The following IPO11 variants were observed in gnomAD, a reference collection of about 807,000 sequenced individuals.
IPO11 encodes importin-11.
A neutral mutation model predicts 143.2 loss-of-function variants in IPO11; 66 were observed. That is an observed-to-expected ratio of 0.46 (90% CI 0.38 to 0.57). The LOEUF is 0.57. Among genes scored for constraint, IPO11 ranks in the 20% least tolerant of loss-of-function variants. IPO11 has a pLI of 0.00. For synonymous variants in IPO11, 385 were observed against 377.8 expected (o/e 1.02, Z -0.22); for missense variants, 1,026 against 1,141.0 (o/e 0.90, Z 1.45).
At chr5:62,612,542 A>G (rs1454549684) in intron 29 of IPO11, among the ~76,000 whole-genome samples, 1 of 152,216 alleles carries the variant, frequency 6.6e-6, no homozygotes, top group Non-Finnish European at 1.5e-5. Flanking sequence ...TAAGCCACAC[A>G]TTAGATTTCC....
At position 62,627,688 on chromosome 5, in the gene IPO11, T is replaced by C. The variant is rs11544796; in HGVS notation, c.*370T>C. ...CTGAGATGTTTTTCTGCAACCAAAA[T>C]TCATTAAATTTGGCTGCCTTATCCT... On this transcript the variant is annotated 3_prime_UTR_variant, in exon 30 of 30. Transcript: ENST00000325324. 0.03 allele frequency: 4,708 copies of C among 158,038 alleles called. 235 individuals carry two copies. The highest frequency in any genetic ancestry group is 0.11 in the African/African-American group (4,484 of 41,714). 9.8% of individuals were successfully genotyped at this position (158,038 alleles called of 1,614,324 possible).
intron 3 of IPO11, among the ~76,000 whole-genome samples, chr5:62,448,946 G>A (rs995364114): frequency 3.9e-5 from 6 of 152,084 alleles, no homozygotes; most frequent in African/African-American, 1.4e-4. Flanking sequence ...TTGTTGTTGT[G>A]TGCTTTAATT....
Position 62,443,096 on chromosome 5 carries a change from A to C in IPO11, c.239+13A>C. ...GTGTAGCACCTCAGTAAGTTCCATC[A>C]CTTCCCCTATTCCTTGAGTATAATC... On this transcript the variant is annotated intron_variant, in intron 3 of 29. Coordinates refer to ENST00000325324, the MANE Select transcript of IPO11 (RefSeq NM_016338.5). 1 of 1,512,222 alleles carries C rather than the reference A, an allele frequency of 6.6e-7. No homozygotes were observed. The highest frequency in any genetic ancestry group is 9.1e-7 in the Non-Finnish European group (1 of 1,093,596). The allele number at this position is 1,512,222 out of a possible 1,614,324, so 93.7% of individuals were successfully genotyped here.
intron 29 of IPO11, among the ~76,000 whole-genome samples, chr5:62,616,142 T>G (rs1165194674): frequency 1.3e-5 from 2 of 152,092 alleles, no homozygotes. Context: ...ATATTTCTGT[T>G]ACTGTGGCCC....
chr5:62,433,002 A>G (rs922502912), intron 1 of IPO11, among the ~76,000 whole-genome samples: 1 of 152,210 alleles, frequency 6.6e-6, no homozygotes, highest in African/African-American at 2.4e-5. Context: ...CATTGGGAAC[A>G]TTCTGTTCCC....
intron 24 of IPO11, among the ~76,000 whole-genome samples, chr5:62,542,737 G>C (rs1475292640): frequency 6.6e-6 from 1 of 151,968 alleles, no homozygotes; most frequent in Non-Finnish European, 1.5e-5. Flanking sequence ...TTATCTAGAG[G>C]AATGTAATTA....
chr5:62,588,095 C>T (rs1580357507), intron 27 of IPO11, among the ~76,000 whole-genome samples: 3 of 152,162 alleles, frequency 2.0e-5, no homozygotes, highest in Non-Finnish European at 4.4e-5. Context: ...TACAGTTGGA[C>T]TTGATGTTTT....
At chr5:62,447,959 C>T (rs539752505) in intron 3 of IPO11, among the ~76,000 whole-genome samples, 1 of 152,246 alleles carries the variant, frequency 6.6e-6, no homozygotes, top group African/African-American at 2.4e-5. Flanking sequence ...AAGTGATCTT[C>T]CTGCCTCGGC....
intron 5 of IPO11, among the ~76,000 whole-genome samples, chr5:62,466,088 C>T (rs1038670696): frequency 2.6e-5 from 4 of 152,098 alleles, no homozygotes; most frequent in Non-Finnish European, 5.9e-5. Flanking sequence ...GATAAAGAGA[C>T]GAGTAGGAGA....
At chr5:62,542,132 A>G (rs900436238) in intron 24 of IPO11, among the ~76,000 whole-genome samples, 3 of 151,480 alleles carry the variant, frequency 2.0e-5, no homozygotes, top group African/African-American at 7.3e-5. Flanking sequence ...CTGGAGTGCA[A>G]TGGCGTGATC....
chr5:62,453,862 C>T (rs1337666709), intron 5 of IPO11, among the ~76,000 whole-genome samples: 8 of 151,960 alleles, frequency 5.3e-5, no homozygotes, highest in South Asian at 4.2e-4. Flanking sequence ...TGGCTGGGTG[C>T]GGTGGCTCAT....
chr5:62,624,028 C>T (rs1374889292), intron 29 of IPO11, among the ~76,000 whole-genome samples: 3 of 150,524 alleles, frequency 2.0e-5, no homozygotes, highest in Admixed American at 2.0e-4. Flanking sequence ...CTCCCCCCAC[C>T]GTTTTTTTTG....
chr5:62,537,708 T>A (rs775667307), intron 24 of IPO11, among the ~76,000 whole-genome samples: 55 of 152,214 alleles, frequency 3.6e-4, no homozygotes, highest in Non-Finnish European at 5.6e-4. Flanking sequence ...AGCTTTAATT[T>A]AAGTTGGCTA....
At chr5:62,542,149 C>T (rs1259706247) in intron 24 of IPO11, among the ~76,000 whole-genome samples, 1 of 151,406 alleles carries the variant, frequency 6.6e-6, no homozygotes, top group African/African-American at 2.4e-5. Flanking sequence ...GATCTCGGCT[C>T]ACCACAACCT....
chr5:62,476,878 A>G, intron 9 of IPO11, 125 bp downstream of exon 9: 2 of 1,045,402 alleles, frequency 1.9e-6, no homozygotes, highest in Non-Finnish European at 1.3e-6. Flanking sequence ...CTGACTCCTT[A>G]TAGGAAAGCT....
intron 27 of IPO11, among the ~76,000 whole-genome samples, chr5:62,582,714 A>T (rs1744615350): frequency 6.6e-6 from 1 of 152,208 alleles, no homozygotes; most frequent in South Asian, 2.1e-4. Context: ...AGTGCCCTTG[A>T]TTAAGAATCT....
intron 9 of IPO11, among the ~76,000 whole-genome samples, chr5:62,482,295 G>T (rs1746242865): frequency 6.6e-6 from 1 of 152,090 alleles, no homozygotes; most frequent in South Asian, 2.1e-4. Context: ...CTTCAGTTCT[G>T]CTCTGATCTT....
chr5:62,438,712 A>G (rs1035056944), intron 2 of IPO11, among the ~76,000 whole-genome samples: 1 of 150,260 alleles, frequency 6.7e-6, no homozygotes, highest in African/African-American at 2.5e-5. Flanking sequence ...AGATCGTGCC[A>G]TTGTACTCCA....
At chr5:62,586,693 G>A (rs1284637871) in intron 27 of IPO11, among the ~76,000 whole-genome samples, 1 of 144,644 alleles carries the variant, frequency 6.9e-6, no homozygotes, top group East Asian at 2.0e-4. Flanking sequence ...GGAGATTGTG[G>A]TGAGCTGAGA....
Sources: gnomAD v4.1 joint callset for allele counts (sites outside exome capture counted in the v4.1 genomes callset) on GRCh38, gnomAD v4.1.1 for gene constraint, MANE v1.5 for transcripts, NCBI Gene and HGNC (gene_info 2026-07-23, HGNC 2026-07-21) for gene names.